Variants in PCDHGB7 observed in about 807,000 individuals in gnomAD.
PCDHGB7 encodes protocadherin gamma subfamily B, 7.
A neutral mutation model predicts 61.4 loss-of-function variants in PCDHGB7; 37 were observed. That is an observed-to-expected ratio of 0.60 (90% CI 0.46 to 0.79). PCDHGB7 has a LOEUF of 0.79. Ranked by LOEUF, PCDHGB7 falls within the 30% of genes least tolerant of loss-of-function variation. The probability of loss-of-function intolerance (pLI) is 0.00; values close to 1 mark genes in which losing one functional copy is unlikely to be tolerated. For synonymous variants in PCDHGB7, 464 were observed against 503.5 expected (o/e 0.92, Z 1.05); for missense variants, 1,166 against 1,202.5 (o/e 0.97, Z 0.45).
intron 2 of PCDHGB7, among the ~76,000 whole-genome samples, chr5:141,501,009 C>T (rs2099804715): frequency 2.0e-5 from 3 of 152,040 alleles, no homozygotes; most frequent in Non-Finnish European, 4.4e-5. Context: ...GCTGGGACTA[C>T]AGGCACGCGC....
chr5:141,455,104 G>T (rs2098813087), intron 1 of PCDHGB7, among the ~76,000 whole-genome samples: 1 of 151,780 alleles, frequency 6.6e-6, no homozygotes, highest in Non-Finnish European at 1.5e-5. Flanking sequence ...GAGCCACTGC[G>T]CCCGGTGGGT....
intron 1 of PCDHGB7, among the ~76,000 whole-genome samples, chr5:141,442,810 T>C (rs2098345227): frequency 6.6e-6 from 1 of 152,222 alleles, no homozygotes; most frequent in Non-Finnish European, 1.5e-5. Context: ...ATTCAAATTG[T>C]ACTGATCCAA....
At position 141,418,392 on chromosome 5, in the gene PCDHGB7, T is replaced by C. The variant is rs753094664; in HGVS notation, c.533T>C (p.Phe178Ser). The change falls in exon 1 of 4, where the codon TTC (phenylalanine) becomes TCC (serine). Residue 178 changes from phenylalanine to serine, a missense_variant. Phe to Ser is a radical substitution (Grantham distance 155). Coordinates refer to ENST00000398594, the MANE Select transcript of PCDHGB7 (RefSeq NM_018927.4). ...TACCAACTAAGTCCTAACGAGTATT[T>C]CTCATTGGTGGAGAAAGACAATCCT... ...SKYQLSPNEYFSLVEKDNPDG... is the reference protein window; with the variant it reads ...SKYQLSPNEYSSLVEKDNPDG... 1 of 1,613,996 alleles carries C rather than the reference T, an allele frequency of 6.2e-7. No homozygotes were observed. The highest frequency in any genetic ancestry group is 8.5e-7 in the Non-Finnish European group (1 of 1,179,880).
intron 1 of PCDHGB7, among the ~76,000 whole-genome samples, chr5:141,481,443 C>T (rs971405190): frequency 1.3e-5 from 2 of 152,174 alleles, no homozygotes; most frequent in African/African-American, 4.8e-5. Flanking sequence ...CAGTTTAGTA[C>T]ATGTAAATAC....
At position 141,487,780 on chromosome 5, in the gene PCDHGB7, C is replaced by T. The variant is rs1423149; in HGVS notation, c.2416-7027C>T. On this transcript the variant is annotated intron_variant, in intron 1 of 3. Transcript: ENST00000398594. The surrounding 1 kb of genome is among the most constrained non-coding windows in gnomAD (Gnocchi z 5.0). ...TAGACGCTGTGCTTTGTAACTGTTT[C>T]GTGAATTAACCAGAGTTGTCACAGT... 0.06 allele frequency: 91,434 copies of T among 1,526,176 alleles called. 5,728 individuals carry two copies. Among genetic ancestry groups the T allele is most frequent in the African/African-American group, 0.33 (23,789 of 72,466 alleles). The allele number at this position is 1,526,176 out of a possible 1,614,324, so 94.5% of individuals were successfully genotyped here. A position where few individuals can be genotyped will look rare whatever the true frequency, so the allele number is the denominator to read the frequency against.
intron 1 of PCDHGB7, among the ~76,000 whole-genome samples, chr5:141,481,749 C>T (rs958851030): frequency 6.6e-6 from 1 of 151,976 alleles, no homozygotes; most frequent in Non-Finnish European, 1.5e-5. Context: ...GTCAGGAGTC[C>T]AAGACCAGCC....
chr5:141,444,238 C>T (rs1011385887), intron 1 of PCDHGB7, among the ~76,000 whole-genome samples: 6 of 125,052 alleles, frequency 4.8e-5, no homozygotes, highest in Non-Finnish European at 9.4e-5. Context: ...ATGGCATGCT[C>T]TCGGCTCACT....
At chr5:141,488,207 TC>T (rs2099672969) in intron 1 of PCDHGB7, among the ~76,000 whole-genome samples, 1 of 152,216 alleles carries the variant, frequency 6.6e-6, no homozygotes, top group Non-Finnish European at 1.5e-5. Context: ...AGGACTCATA[TC>T]AAGTCCCTAC....
Position 141,432,826 on chromosome 5 carries a change from CACTCTGTACCT to C in PCDHGB7, c.2415+12553_2415+12563del, listed in dbSNP as rs1251102522. 6.2e-7 allele frequency: 1 copy of C among 1,614,096 alleles called. No homozygotes were observed. Among genetic ancestry groups the C allele is most frequent in the Non-Finnish European group, 8.5e-7 (1 of 1,180,020 alleles). On this transcript the variant is annotated intron_variant, in intron 1 of 3. Coordinates refer to ENST00000398594, the MANE Select transcript of PCDHGB7 (RefSeq NM_018927.4). This position sits in a 1 kb window ranked among gnomAD's most constrained non-coding sequence, Gnocchi z 6.0. Reference sequence around the variant, plus strand: ...CAGCTAACTCTGAAACCTCAGACCTCACTCTGTACCTGGTGGTAGCGGTGGCCGCGGTCTCC... The same window carrying C: ...CAGCTAACTCTGAAACCTCAGACCTCGGTGGTAGCGGTGGCCGCGGTCTCC...
chr5:141,475,167 G>T (rs529813171), intron 1 of PCDHGB7, among the ~76,000 whole-genome samples: 1 of 152,160 alleles, frequency 6.6e-6, no homozygotes, highest in Admixed American at 6.5e-5. Flanking sequence ...CATTAGCAGT[G>T]CAACTTCTTG....
rs535194185 is a variant in PCDHGB7, at chr5:141,485,480, A to C, written c.2416-9327A>C. 6.2e-7 allele frequency: 1 copy of C among 1,614,154 alleles called. No individual in the cohort carries two copies. The highest frequency in any genetic ancestry group is 1.7e-5 in the Admixed American group (1 of 60,020). On this transcript the variant is annotated intron_variant, in intron 1 of 3. Coordinates refer to ENST00000398594, the MANE Select transcript of PCDHGB7 (RefSeq NM_018927.4). This position sits in a 1 kb window ranked among gnomAD's most constrained non-coding sequence, Gnocchi z 5.7. The stretch of plus-strand genomic sequence containing the variant: ...ACTGTGTGGGCTCAGTGCCAGCTGC[A>C]TCGTGCCCCTGGAGTTTGTCACCGA...
chr5:141,428,082 G>A lies in PCDHGB7; in HGVS notation c.2415+7808G>A, dbSNP rs776612130. 2.5e-6 allele frequency: 4 copies of A among 1,609,030 alleles called. No individual in the cohort carries two copies. In the African/African-American group the frequency reaches 5.3e-5, roughly 21 times the overall value. On this transcript the variant is annotated intron_variant, in intron 1 of 3. Transcript: ENST00000398594. ...GGTGGACGCAGATTCGGGACACAACGCTTGGCTGTCCTACCACGTGCTGCA... is the reference window on the plus strand; with the variant it reads ...GGTGGACGCAGATTCGGGACACAACACTTGGCTGTCCTACCACGTGCTGCA...
At position 141,476,645 on chromosome 5, in the gene PCDHGB7, A is replaced by G. The variant is rs150444699; in HGVS notation, c.2416-18162A>G. The G allele has an allele frequency of 1.2e-4, 199 of 1,614,128 alleles. No homozygotes were observed. Among genetic ancestry groups the G allele is most frequent in the Non-Finnish European group, 1.6e-4 (194 of 1,180,060 alleles). ...TTTACAAACCTATGAGCTGAGCCGA[A>G]ATGAATACTTTGCGCTTCGCGTGCA... On this transcript the variant is annotated intron_variant, in intron 1 of 3. Transcript: ENST00000398594. The surrounding 1 kb of genome is among the most constrained non-coding windows in gnomAD (Gnocchi z 7.6).
intron 1 of PCDHGB7, among the ~76,000 whole-genome samples, chr5:141,442,680 A>C (rs2098335997): frequency 6.6e-6 from 1 of 152,270 alleles, no homozygotes; most frequent in Non-Finnish European, 1.5e-5. Flanking sequence ...CTTGAGGGAC[A>C]GTAGTCAGGC....
rs762574320 is a variant in PCDHGB7, at chr5:141,485,926, G to T, written c.2416-8881G>T. 2.5e-6 allele frequency: 4 copies of T among 1,614,090 alleles called. No individual in the cohort carries two copies. The highest frequency in any genetic ancestry group is 3.4e-6 in the Non-Finnish European group (4 of 1,180,052). On this transcript the variant is annotated intron_variant, in intron 1 of 3. Transcript: ENST00000398594. This position sits in a 1 kb window ranked among gnomAD's most constrained non-coding sequence, Gnocchi z 5.7. Reference sequence around the variant, plus strand: ...AGCAATCCAGCTACAGGATTAGTGTGTTGGAGAGCGCACCAGCGGGCATGG... The same window carrying T: ...AGCAATCCAGCTACAGGATTAGTGTTTTGGAGAGCGCACCAGCGGGCATGG...
chr5:141,421,194 C>G, intron 1 of PCDHGB7: 1 of 1,498,922 alleles, frequency 6.7e-7, no homozygotes, highest in South Asian at 1.3e-5. Context: ...CCAACCAGCT[C>G]GAGAAACCGC....
intron 1 of PCDHGB7, among the ~76,000 whole-genome samples, chr5:141,460,888 C>T (rs530320189): frequency 1.3e-5 from 2 of 149,792 alleles, no homozygotes; most frequent in East Asian, 2.0e-4. Context: ...CATGCCTTTT[C>T]GTGGCTGAGT....
At chr5:141,494,759 C>G (rs776923097) in intron 1 of PCDHGB7, 48 bp from the exon 2 acceptor site, 2 of 1,613,886 alleles carry the variant, frequency 1.2e-6, no homozygotes, top group Middle Eastern at 1.6e-4. Flanking sequence ...GGGTGACATT[C>G]TAACTTCTCA....
chr5:141,505,348 G>C, intron 2 of PCDHGB7, 45 bp from the exon 3 acceptor site: 1 of 1,613,358 alleles, frequency 6.2e-7, no homozygotes, highest in Non-Finnish European at 8.5e-7. Flanking sequence ...GGCATGAGCT[G>C]TGCCGGCCTG....
Sources: allele counts gnomAD v4.1 joint callset (sites outside exome capture counted in the v4.1 genomes callset), GRCh38; gene constraint gnomAD v4.1.1; non-coding constraint Gnocchi (gnomAD v3.1); transcripts MANE v1.5; gene names NCBI Gene and HGNC (gene_info 2026-07-23, HGNC 2026-07-21).